CCDC14: variants seen among roughly 807,000 people sequenced by gnomAD.
CCDC14 encodes coiled-coil domain-containing protein 14.
In CCDC14, 71 loss-of-function variants were observed where a neutral mutation model predicts 81.4. The ratio of observed to expected loss-of-function variants is 0.87; its 90% CI spans 0.72 to 1.06. The LOEUF is 1.06. CCDC14 is among the 50% of genes least tolerant of loss of function. The pLI is 0.00. For missense variants in CCDC14, 1,046 were observed against 1,047.3 expected, an observed-to-expected ratio of 1.00 and a Z score of 0.02; for synonymous variants, 332 against 364.8, an observed-to-expected ratio of 0.91 and a Z score of 1.03.
downstream of CCDC14, among the ~76,000 whole-genome samples, chr3:123,896,408 T>C (rs1275410664): frequency 6.6e-6 from 1 of 152,180 alleles, no homozygotes; most frequent in Non-Finnish European, 1.5e-5. Context: ...TATTCTATTA[T>C]AAGCAACAGA....
rs1036153059 is a variant in CCDC14, at chr3:123,914,569, A to G, written c.*210T>C. The G allele has an allele frequency of 1.6e-6, 2 of 1,244,184 alleles. No individual in the cohort carries two copies. The highest frequency in any genetic ancestry group is 3.1e-5 in the African/African-American group (2 of 64,302). 77.1% of individuals were successfully genotyped at this position (1,244,184 alleles called of 1,614,324 possible). A position where few individuals can be genotyped will look rare whatever the true frequency, so the allele number is the denominator to read the frequency against. ...TACAATAATTTCCTAGTTATCCACA[A>G]CTTTCTTCTTGTAGCAATTGTGAAC... On this transcript the variant is annotated 3_prime_UTR_variant, in exon 13 of 13. Coordinates refer to ENST00000409697, the MANE Select transcript of CCDC14 (RefSeq NM_001366335.1).
Position 123,914,120 on chromosome 3 carries a change from TCTGA to T in CCDC14, c.*655_*658del, listed in dbSNP as rs1405845406. On this transcript the variant is annotated 3_prime_UTR_variant, in exon 13 of 13. Transcript: ENST00000409697. ...TTATCTGTTAGCACTTCTTTATCAG[TCTGA>T]CTATTCTTTAAAGGCCTTAAAACAT... 7 of 985,720 alleles carry T rather than the reference TCTGA, an allele frequency of 7.1e-6. No homozygotes were observed. Among genetic ancestry groups the T allele is most frequent in the East Asian group, 1.1e-4 (1 of 8,804 alleles). 61.1% of individuals were successfully genotyped at this position (985,720 alleles called of 1,614,324 possible). A position where few individuals can be genotyped will look rare whatever the true frequency, so the allele number is the denominator to read the frequency against.
Position 123,946,785 on chromosome 3 carries a change from G to A in CCDC14, c.1201+18C>T. 2 of 1,600,310 alleles carry A rather than the reference G, an allele frequency of 1.2e-6. No individual in the cohort carries two copies. ...TTAGTATAACACCATACTACAGAAA[G>A]TTATAAGTCCCATCTACCTTGTTCT... On this transcript the variant is annotated intron_variant, in intron 8 of 12. Coordinates refer to ENST00000409697, the MANE Select transcript of CCDC14 (RefSeq NM_001366335.1).
intron 5 of CCDC14, among the ~76,000 whole-genome samples, chr3:123,950,651 A>G (rs183306895): frequency 9.9e-5 from 15 of 152,252 alleles, no homozygotes; most frequent in African/African-American, 3.6e-4. Context: ...TGGTGAGGGT[A>G]CTGACAGGGA....
the CCDC14 span, among the ~76,000 whole-genome samples, chr3:123,890,853 T>C: frequency 4.2e-4 from 64 of 152,222 alleles, no homozygotes; most frequent in Non-Finnish European, 7.2e-4. Context: ...GTCGGGGCTC[T>C]GACCTCACAT....
At chr3:123,885,549 T>G in the CCDC14 span, among the ~76,000 whole-genome samples, 1 of 152,156 alleles carries the variant, frequency 6.6e-6, no homozygotes, top group African/African-American at 2.4e-5. Flanking sequence ...CTTAAGCCCT[T>G]GATCTGTGAG....
chr3:123,890,901 C>T, the CCDC14 span, among the ~76,000 whole-genome samples: 2 of 152,214 alleles, frequency 1.3e-5, no homozygotes, highest in Non-Finnish European at 2.9e-5. Flanking sequence ...TTCTCCATGA[C>T]TTCCCTGCCC....
chr3:123,949,846 C>T (rs1009204865), intron 5 of CCDC14, among the ~76,000 whole-genome samples: 7 of 152,184 alleles, frequency 4.6e-5, no homozygotes, highest in African/African-American at 1.2e-4. Context: ...CTACTCTTCA[C>T]CACCCTAGAG....
At chr3:123,904,390 G>C (rs1301763953) in intron 5 of CCDC14, among the ~76,000 whole-genome samples, 1 of 152,076 alleles carries the variant, frequency 6.6e-6, no homozygotes, top group East Asian at 1.9e-4. Flanking sequence ...CTAGGGTGTG[G>C]GAAAGGGACT....
Position 123,931,349 on chromosome 3 carries a change from T to C in CCDC14, c.1604A>G (p.Asn535Ser). ...TATCTCAATATCATATTGCTGTTTA[T>C]TTTCAAGTATAGTTTGATCTTTGTC... ...FKDKDQTILE[N>S]KQQYDIEITR... The change falls in exon 11 of 13, where the codon AAT becomes AGT. Residue 535 changes from asparagine to serine, a missense_variant. Asn to Ser is a conservative substitution (Grantham distance 46, BLOSUM62 1). Transcript: ENST00000409697. 1 of 1,524,000 alleles carries C rather than the reference T, an allele frequency of 6.6e-7. No individual in the cohort carries two copies. The highest frequency in any genetic ancestry group is 8.9e-7 in the Non-Finnish European group (1 of 1,121,956). The allele number at this position is 1,524,000 out of a possible 1,614,324, so 94.4% of individuals were successfully genotyped here. A position where few individuals can be genotyped will look rare whatever the true frequency, so the allele number is the denominator to read the frequency against.
downstream of CCDC14, among the ~76,000 whole-genome samples, chr3:123,896,435 A>G (rs1335559446): frequency 1.3e-5 from 2 of 152,226 alleles, no homozygotes; most frequent in Non-Finnish European, 2.9e-5. Context: ...GACATGGTAT[A>G]TATAGACACA....
At position 123,948,802 on chromosome 3, in the gene CCDC14, G is replaced by A; in HGVS notation, c.590-17C>T. 6.3e-7 allele frequency: 1 copy of A among 1,584,248 alleles called. No individual in the cohort carries two copies. Among genetic ancestry groups the A allele is most frequent in the Non-Finnish European group, 8.6e-7 (1 of 1,167,116 alleles). The stretch of plus-strand genomic sequence containing the variant: ...CCTGAGATTCTGTAAGTAAGAGGGA[G>A]AAAAAATTAATCACATATCCTACTT... On this transcript the variant is annotated splice_polypyrimidine_tract_variant and intron_variant, in intron 6 of 12. Transcript: ENST00000409697.
downstream of CCDC14, among the ~76,000 whole-genome samples, chr3:123,894,222 T>C (rs2148752341): frequency 6.6e-6 from 1 of 152,326 alleles, no homozygotes; most frequent in African/African-American, 2.4e-5. Context: ...TTGAAAAGAC[T>C]GTTGTTTACC....
Position 123,927,474 on chromosome 3 carries a change from T to TAAA in CCDC14, c.1778+3627_1778+3628insTTT, listed in dbSNP as rs1211923183. On this transcript the variant is annotated intron_variant, in intron 12 of 12. Coordinates refer to ENST00000409697, the MANE Select transcript of CCDC14 (RefSeq NM_001366335.1). ...GAACGTACTTAGAATTTTGAAGCTG[T>TAAA]TTCTAAATCTTTAGAAAATGTAGGG... Among the ~76,000 whole-genome samples, 10 of 152,180 alleles carry TAAA rather than the reference T, an allele frequency of 6.6e-5. 1 individual carries two copies. Among genetic ancestry groups the TAAA allele is most frequent in the African/African-American group, 2.4e-4 (10 of 41,520 alleles).
chr3:123,906,942 A>C (rs2034325447), intron 5 of CCDC14, among the ~76,000 whole-genome samples: 2 of 152,094 alleles, frequency 1.3e-5, no homozygotes, highest in Non-Finnish European at 2.9e-5. Context: ...CTCCTGCTTC[A>C]TCTCCTCCTG....
Position 123,944,953 on chromosome 3 carries a change from C to T in CCDC14, c.1239G>A (p.Glu413=). The part of the protein sequence containing the change: ...SEIQRLITEM[E]ACISVLPTVS... ...CTGTTGGAAGTACAGATATACATGC[C>T]TCCATTTCTGTAATCAACCTCTGAA... Residue 413 remains glutamate, a synonymous_variant, in exon 9 of 13, where the codon GAG becomes GAA. Transcript: ENST00000409697. The T allele has an allele frequency of 6.2e-7, 1 of 1,606,442 alleles. No individual in the cohort carries two copies. The highest frequency in any genetic ancestry group is 8.5e-7 in the Non-Finnish European group (1 of 1,174,716).
chr3:123,908,326 G>C (rs2148766577), intron 5 of CCDC14, among the ~76,000 whole-genome samples: 1 of 152,160 alleles, frequency 6.6e-6, no homozygotes. Context: ...GAGGCACTGG[G>C]GCTCTAGGCC....
At chr3:123,933,456 T>C (rs923258612) in intron 10 of CCDC14, 5 of 529,618 alleles carry the variant, frequency 9.4e-6, no homozygotes, top group Admixed American at 3.4e-5. Context: ...CAATTATATA[T>C]GAAGAGAAGA....
chr3:123,934,008 C>A (rs1484805787), intron 9 of CCDC14, among the ~76,000 whole-genome samples: 3 of 152,066 alleles, frequency 2.0e-5, no homozygotes, highest in African/African-American at 7.2e-5. Flanking sequence ...CGCGGTGGCT[C>A]ACGCCTGTAA....
Sources: allele counts gnomAD v4.1 joint callset (sites outside exome capture counted in the v4.1 genomes callset), GRCh38; gene constraint gnomAD v4.1.1; transcripts MANE v1.5; gene names NCBI Gene and HGNC (gene_info 2026-07-23, HGNC 2026-07-21).